Variants in C3 observed in about 807,000 individuals in gnomAD.
C3 encodes C3 and PZP-like alpha-2-macroglobulin domain-containing protein 1.
A neutral mutation model predicts 207.9 loss-of-function variants in C3; 97 were observed. The observed-to-expected ratio is 0.47, with a 90% CI of 0.40 to 0.55. The LOEUF (loss-of-function observed/expected upper bound fraction) is 0.55, where lower values mean the gene tolerates loss of function less well. Among genes scored for constraint, C3 ranks in the 20% least tolerant of loss-of-function variants. C3 has a pLI of 0.00. For missense variants in C3, 1,684 were observed against 2,171.7 expected (o/e 0.78, Z 4.46); for synonymous variants, 848 against 857.6 (o/e 0.99, Z 0.20).
intron 26 of C3, among the ~76,000 whole-genome samples, chr19:6,691,345 G>A (rs907104552): frequency 1.3e-5 from 2 of 152,104 alleles, no homozygotes; most frequent in Admixed American, 6.5e-5. Flanking sequence ...GAGCCACTGC[G>A]CCCAGCCAAG....
intron 7 of C3, 193 bp downstream of exon 7, chr19:6,713,796 CCCA>C: frequency 4.4e-6 from 1 of 229,226 alleles, no homozygotes; most frequent in Non-Finnish European, 8.0e-6. Flanking sequence ...CCCACCTGGT[CCCA>C]CCCCCAGCCC....
intron 26 of C3, among the ~76,000 whole-genome samples, chr19:6,690,978 C>T (rs1016877418): frequency 4.0e-5 from 6 of 151,874 alleles, no homozygotes; most frequent in Non-Finnish European, 5.9e-5. Context: ...AAACCAGACA[C>T]AGGCTCTAGC....
At chr19:6,685,615 G>A (rs1273866404) in intron 29 of C3, among the ~76,000 whole-genome samples, 3 of 152,182 alleles carry the variant, frequency 2.0e-5, no homozygotes, top group African/African-American at 7.2e-5. Context: ...AGAAAGAAAG[G>A]AGGCCAACTG....
rs768925309 is a variant in C3, at chr19:6,694,759, G to A, written c.2951-125C>T. 9.8e-5 allele frequency: 81 copies of A among 826,944 alleles called. 1 individual carries two copies. In the Middle Eastern group the frequency reaches 3.0e-3, roughly 30 times the overall value. 51.2% of individuals were successfully genotyped at this position (826,944 alleles called of 1,614,324 possible). On this transcript the variant is annotated intron_variant, in intron 23 of 40. Coordinates refer to ENST00000245907, the MANE Select transcript of C3 (RefSeq NM_000064.4). ...GGGTTAGGGACAGGCGAGGACTGGG[G>A]AGGATGTGACTGCGGGGAGGGGAGG...
At chr19:6,689,347 C>CTGT (rs1568213498) in intron 27 of C3, among the ~76,000 whole-genome samples, 1 of 61,998 alleles carries the variant, frequency 1.6e-5, no homozygotes, top group Admixed American at 1.8e-4. Flanking sequence ...CTCCCTCCCT[C>CTGT]CCTCCCTCCC....
intron 27 of C3, among the ~76,000 whole-genome samples, chr19:6,689,327 ACCTCCCTCCCTCCCTC>A (rs1299356209): frequency 4.0e-5 from 2 of 49,690 alleles, no homozygotes; most frequent in African/African-American, 2.2e-4. Context: ...CTCTCTACCT[ACCTCCCTCCCTCCCTC>A]CCTCCCTCCC....
chr19:6,709,611 T>TA, intron 14 of C3, 73 bp downstream of exon 14: 20 of 1,109,416 alleles, frequency 1.8e-5, no homozygotes, highest in African/African-American at 4.6e-5. Flanking sequence ...CCCTCTCCAG[T>TA]CCCACCCACC....
chr19:6,683,737 C>T (rs1262062006), intron 33 of C3, among the ~76,000 whole-genome samples: 4 of 152,102 alleles, frequency 2.6e-5, no homozygotes, highest in Admixed American at 6.5e-5. Flanking sequence ...AGGCGCGAGC[C>T]GCCACACCCG....
Position 6,684,597 on chromosome 19 carries a change from G to T in C3, c.4083C>A (p.Phe1361Leu). 6.2e-7 allele frequency: 1 copy of T among 1,614,070 alleles called. No homozygotes were observed. The highest frequency in any genetic ancestry group is 2.2e-5 in the East Asian group (1 of 44,888). Residue 1361 changes from phenylalanine to leucine, a missense_variant, in exon 32 of 41, where the codon TTC becomes TTA. This residue lies in a region of C3 where 346 missense variants were observed against 380.1 expected (regional missense o/e 0.91). Transcript: ENST00000245907. Reference protein sequence around the residue: ...KAKDQLTCNKFDLKVTIKPAP... With the variant: ...KAKDQLTCNKLDLKVTIKPAP... ...CTGGTTTTATGGTGACCTTGAGGTC[G>T]AATTTATTACAGGTGAGTTGATCTT...
rs375022094 is a variant in C3, at chr19:6,715,619, G to GT, written c.505-1174dup. ...ACATATAAAAATCTGTTTTTTTTTT[G>GT]TTTTTTTTGTTTTTTTTTTTGAGAC... On this transcript the variant is annotated intron_variant, in intron 4 of 40. Transcript: ENST00000245907. 4.6e-3 allele frequency among the ~76,000 whole-genome samples: 325 copies of GT among 71,314 alleles called. 5 individuals carry two copies. Among genetic ancestry groups the GT allele is most frequent in the Non-Finnish European group, 6.4e-3 (213 of 33,426 alleles). 46.8% of individuals were successfully genotyped at this position (71,314 alleles called of 152,430 possible).
Position 6,677,972 on chromosome 19 carries a change from C to A in C3, c.4902G>T (p.Glu1634Asp). 3 of 1,614,108 alleles carry A rather than the reference C, an allele frequency of 1.9e-6. No homozygotes were observed. Among genetic ancestry groups the A allele is most frequent in the Non-Finnish European group, 2.5e-6 (3 of 1,180,030 alleles). ...KDTWVEHWPEEDECQDEENQK... is the reference protein window; with the variant it reads ...KDTWVEHWPEDDECQDEENQK... ...GGTTCTCTTCGTCTTGGCATTCGTC[C>A]TCCTCGGGCCAGTGCTCCACCCAAG... The change falls in exon 41 of 41, where the codon GAG becomes GAT. Residue 1634 changes from glutamate (E) to aspartate (D), a missense_variant. Physicochemically the swap from Glu to Asp is conservative, Grantham distance 45. Around this residue, in one of 3 missense-constraint regions of C3, gnomAD observed 346 missense variants for 380.1 expected, o/e 0.91. Coordinates refer to ENST00000245907, the MANE Select transcript of C3 (RefSeq NM_000064.4).
intron 4 of C3, among the ~76,000 whole-genome samples, chr19:6,715,869 C>T (rs1968022823): frequency 6.6e-6 from 1 of 152,024 alleles, no homozygotes; most frequent in Non-Finnish European, 1.5e-5. Context: ...TCGTGATCTG[C>T]CCGCCTCCAC....
At position 6,690,773 on chromosome 19, in the gene C3, A is replaced by C. The variant is rs375076508; in HGVS notation, c.3391-46T>G. On this transcript the variant is annotated intron_variant, in intron 26 of 40. Coordinates refer to ENST00000245907, the MANE Select transcript of C3 (RefSeq NM_000064.4). ...CAAGGATGGGGTCACCGGTGTGTCCACACATGGCAGTCATCCCCCCTTGCA... is the reference window on the plus strand; with the variant it reads ...CAAGGATGGGGTCACCGGTGTGTCCCCACATGGCAGTCATCCCCCCTTGCA... The C allele has an allele frequency of 2.8e-5, 41 of 1,444,652 alleles. No individual in the cohort carries two copies. In the African/African-American group the frequency reaches 5.7e-4, roughly 20 times the overall value. The allele number at this position is 1,444,652 out of a possible 1,614,324, so 89.5% of individuals were successfully genotyped here.
chr19:6,680,221 G>A lies in C3; in HGVS notation c.4393C>T (p.Gln1465Ter). ...EDDCLAFKVH[Q>*]YFNVELIQPG... ...TGGATAAGCTCTACATTAAAGTATT[G>A]GTGAACTTTGAAAGCTAGACAGTCA... Residue 1465 changes from glutamine (Q) to a stop codon, truncating the protein, a stop_gained, in exon 36 of 41, where the codon CAA becomes TAA. Transcript: ENST00000245907. LOFTEE classifies it high-confidence loss of function. 6.8e-6 allele frequency: 11 copies of A among 1,613,108 alleles called. No homozygotes were observed. The highest frequency in any genetic ancestry group is 9.3e-6 in the Non-Finnish European group (11 of 1,179,142).
In C3 at chr19:6,711,105, T is replaced by G; in HGVS notation, c.1361A>C (p.Asn454Thr). The change falls in exon 12 of 41, where the codon AAT becomes ACT. Residue 454 changes from asparagine (N) to threonine (T), a missense_variant. This residue lies in a region of C3 where 1,280 missense variants were observed against 1,739.1 expected (regional missense o/e 0.74). Coordinates refer to ENST00000245907, the MANE Select transcript of C3 (RefSeq NM_000064.4). ...LPYSTVGNSN[N>T]YLHLSVLRTE... is the part of the protein sequence containing the mutation. ...ACGTAGCACTGAGAGATGCAGGTAA[T>G]TGTTGGAGTTGCCCACGGTGCTGTA... The G allele has an allele frequency of 6.2e-7, 1 of 1,613,892 alleles. No individual in the cohort carries two copies. Among genetic ancestry groups the G allele is most frequent in the Non-Finnish European group, 8.5e-7 (1 of 1,179,960 alleles).
chr19:6,678,705 T>G (rs1917784123), intron 38 of C3, among the ~76,000 whole-genome samples: 1 of 152,014 alleles, frequency 6.6e-6, no homozygotes, highest in African/African-American at 2.4e-5. Flanking sequence ...AGTAACATAC[T>G]ATTCATACTA....
intron 19 of C3, among the ~76,000 whole-genome samples, chr19:6,699,197 A>G (rs561694874): frequency 1.4e-4 from 22 of 151,958 alleles, no homozygotes; most frequent in Admixed American, 7.9e-4. Context: ...TTTTGCAACT[A>G]CTTGAGTATG....
intron 27 of C3, among the ~76,000 whole-genome samples, chr19:6,689,952 A>G (rs1376343059): frequency 6.6e-6 from 1 of 152,226 alleles, no homozygotes; most frequent in Non-Finnish European, 1.5e-5. Context: ...ACTGCATTGC[A>G]GCCTGGGCGA....
intron 23 of C3, 82 bp downstream of exon 23, chr19:6,696,297 T>C: frequency 1.2e-6 from 1 of 839,578 alleles, no homozygotes; most frequent in East Asian, 2.6e-5. Flanking sequence ...AGGTGCGGGT[T>C]AAACACCTCC....
Sources: gnomAD v4.1 joint callset for allele counts (sites outside exome capture counted in the v4.1 genomes callset) on GRCh38, gnomAD v4.1.1 for gene constraint, gnomAD v4.1.1 regional missense constraint, MANE v1.5 for transcripts, NCBI Gene and HGNC (gene_info 2026-07-23, HGNC 2026-07-21) for gene names.